The following SCUBE2 variants were observed in gnomAD, a reference collection of about 807,000 sequenced individuals.
SCUBE2 encodes signal peptide, CUB domain and EGF like domain containing 2.
A neutral mutation model predicts 125.9 loss-of-function variants in SCUBE2; 114 were observed. The ratio of observed to expected loss-of-function variants is 0.91; its 90% CI spans 0.78 to 1.06. The LOEUF is 1.06. Among genes scored for constraint, SCUBE2 ranks in the 50% least tolerant of loss-of-function variants. SCUBE2 has a pLI of 0.00. For synonymous variants in SCUBE2, 459 were observed against 492.9 expected, an observed-to-expected ratio of 0.93 and a Z score of 0.91; for missense variants, 1,255 against 1,301.8, an observed-to-expected ratio of 0.96 and a Z score of 0.55.
In SCUBE2 at chr11:9,055,272, G is replaced by C. The variant is rs578217948; in HGVS notation, c.1207+521C>G. On this transcript the variant is annotated intron_variant, in intron 10 of 22. Coordinates refer to ENST00000649792, the MANE Select transcript of SCUBE2 (RefSeq NM_001367977.2). ...AGCCTGCTTGACCATGAGGTTATGA[G>C]ACATGAGAACATTTTGCAAAATGGG... Among the ~76,000 whole-genome samples the C allele has an allele frequency of 7.2e-5, 11 of 152,306 alleles. No homozygotes were observed. The East Asian group carries it at 1.9e-3, about 27-fold the overall frequency.
At chr11:9,030,697 C>G in intron 18 of SCUBE2, 61 bp downstream of exon 18, 1 of 1,532,938 alleles carries the variant, frequency 6.5e-7, no homozygotes, top group South Asian at 1.2e-5. Context: ...CCTCACGAGA[C>G]TCCCATGATA....
At chr11:9,066,421 C>T (rs1860236551) in intron 6 of SCUBE2, among the ~76,000 whole-genome samples, 1 of 152,202 alleles carries the variant, frequency 6.6e-6, no homozygotes, top group Non-Finnish European at 1.5e-5. Flanking sequence ...CTGCCCTGGC[C>T]TCCTGGGAGG....
intron 8 of SCUBE2, 130 bp downstream of exon 8, chr11:9,060,278 A>G (rs1859539248): frequency 2.9e-6 from 2 of 683,576 alleles, no homozygotes; most frequent in East Asian, 5.1e-5. Flanking sequence ...GCTCCCATTG[A>G]TATGAATCAT....
chr11:9,019,753 AG>A lies in SCUBE2; in HGVS notation c.*1291del, dbSNP rs1273543803. On this transcript the variant is annotated 3_prime_UTR_variant, in exon 23 of 23. Coordinates refer to ENST00000649792, the MANE Select transcript of SCUBE2 (RefSeq NM_001367977.2). ...TTGGTATGGAGAATTGGCTGTGCAT[AG>A]AATTGTTATTGAAATAACAAAACAC... Among the ~76,000 whole-genome samples, 2 of 152,222 alleles carry A rather than the reference AG, an allele frequency of 1.3e-5. No individual in the cohort carries two copies. The highest frequency in any genetic ancestry group is 1.3e-4 in the Admixed American group (2 of 15,286).
chr11:9,065,528 T>A (rs1046103051), intron 7 of SCUBE2, among the ~76,000 whole-genome samples: 1 of 152,186 alleles, frequency 6.6e-6, no homozygotes, highest in South Asian at 2.1e-4. Context: ...AGGCAGTTCT[T>A]TACAGCAGTA....
Position 9,085,096 on chromosome 11 carries a change from C to T in SCUBE2, c.256+4611G>A, listed in dbSNP as rs549838704. The stretch of plus-strand genomic sequence containing the variant: ...TAAGACAAATGAAGTGAGCAGTACT[C>T]ATCAAAAGTGTCAATGTCAGGAAAG... On this transcript the variant is annotated intron_variant, in intron 2 of 22. Coordinates refer to ENST00000649792, the MANE Select transcript of SCUBE2 (RefSeq NM_001367977.2). 7.2e-5 allele frequency among the ~76,000 whole-genome samples: 11 copies of T among 152,212 alleles called. No homozygotes were observed. The South Asian group carries it at 2.3e-3, about 32-fold the overall frequency.
chr11:9,071,625 G>A (rs1215555450), intron 4 of SCUBE2, among the ~76,000 whole-genome samples: 1 of 152,180 alleles, frequency 6.6e-6, no homozygotes, highest in African/African-American at 2.4e-5. Context: ...TTCACCAGAA[G>A]GGAAACAGCT....
intron 3 of SCUBE2, among the ~76,000 whole-genome samples, chr11:9,078,245 T>G (rs1189573373): frequency 6.6e-6 from 1 of 152,268 alleles, no homozygotes; most frequent in Non-Finnish European, 1.5e-5. Context: ...AGAAGATTAC[T>G]GGTTCCCTCA....
Position 9,047,435 on chromosome 11 carries a change from C to A in SCUBE2, c.1923G>T (p.Val641=). Residue 641 remains valine, a synonymous_variant, in exon 16 of 23, where the codon GTG becomes GTT. Transcript: ENST00000649792. ...HLQLSGMNLD[V]AKKPPRTSER... ...CAGATGTTCTGGGAGGCTTTTTAGCCACGTCGAGGTTCATGCCTGAGAGCT... is the reference window on the plus strand; with the variant it reads ...CAGATGTTCTGGGAGGCTTTTTAGCAACGTCGAGGTTCATGCCTGAGAGCT... The A allele has an allele frequency of 6.2e-7, 1 of 1,614,132 alleles. No homozygotes were observed. Among genetic ancestry groups the A allele is most frequent in the African/African-American group, 1.3e-5 (1 of 75,022 alleles).
chr11:9,081,653 CAAAA>C (rs201077139), intron 2 of SCUBE2, among the ~76,000 whole-genome samples: 22 of 59,516 alleles, frequency 3.7e-4, no homozygotes, highest in South Asian at 2.3e-3. Context: ...GATCCCACCT[CAAAA>C]AAACAAACAA....
chr11:9,030,001 A>G lies in SCUBE2; in HGVS notation c.2386T>C (p.Cys796Arg). The change falls in exon 19 of 23, where the codon TGT becomes CGT. Residue 796 changes from cysteine (C) to arginine (R), a missense_variant. Around this residue, in one of 3 missense-constraint regions of SCUBE2, gnomAD observed 515 missense variants for 515.7 expected, o/e 1.00. Coordinates refer to ENST00000649792, the MANE Select transcript of SCUBE2 (RefSeq NM_001367977.2). The part of the protein sequence containing the change: ...GHFYNTTTHR[C>R]IRCPVGTYQP... ...TATGTTCCCACTGGGCAACGAATACATCGGTGAGTGGTGGTGTTGTAGAAA... is the reference window on the plus strand; with the variant it reads ...TATGTTCCCACTGGGCAACGAATACGTCGGTGAGTGGTGGTGTTGTAGAAA... The G allele has an allele frequency of 1.2e-6, 2 of 1,614,210 alleles. No homozygotes were observed. Among genetic ancestry groups the G allele is most frequent in the Non-Finnish European group, 1.7e-6 (2 of 1,180,034 alleles).
intron 22 of SCUBE2, 60 bp downstream of exon 22, chr11:9,021,816 C>T (rs1855316857): frequency 7.7e-7 from 1 of 1,298,820 alleles, no homozygotes; most frequent in Non-Finnish European, 1.1e-6. Flanking sequence ...GAAGCCTTCT[C>T]CAACAGTACT....
At chr11:9,038,647 A>G (rs1444728703) in intron 16 of SCUBE2, among the ~76,000 whole-genome samples, 5 of 152,286 alleles carry the variant, frequency 3.3e-5, no homozygotes, top group African/African-American at 1.2e-4. Flanking sequence ...ACAAAACAAC[A>G]ACAAAAAAAA....
At chr11:9,057,837 C>G (rs1201451262) in intron 9 of SCUBE2, among the ~76,000 whole-genome samples, 1 of 152,084 alleles carries the variant, frequency 6.6e-6, no homozygotes, top group African/African-American at 2.4e-5. Context: ...CAGCCTAATT[C>G]TGAGATTTCT....
chr11:9,046,413 A>G (rs1857782305), intron 16 of SCUBE2, among the ~76,000 whole-genome samples: 1 of 152,084 alleles, frequency 6.6e-6, no homozygotes. Context: ...TGGTAGTATT[A>G]GTGATACCCT....
intron 1 of SCUBE2, chr11:9,090,492 T>TATTTTTTTA (rs55777434): frequency 6.2e-5 from 9 of 145,428 alleles, no homozygotes; most frequent in Admixed American, 5.5e-4. Flanking sequence ...TTTATTTATT[T>TATTTTTTTA]TTTTTTTTTG....
chr11:9,067,894 G>C (rs1461366485), intron 5 of SCUBE2, among the ~76,000 whole-genome samples: 1 of 110,660 alleles, frequency 9.0e-6, no homozygotes, highest in Non-Finnish European at 1.6e-5. Flanking sequence ...TTCCCTGAAA[G>C]ACTATGAAAT....
In SCUBE2 at chr11:9,074,589, C is replaced by T. The variant is rs1362162073; in HGVS notation, c.409G>A (p.Gly137Ser). Residue 137 changes from glycine (G) to serine (S), a missense_variant, in exon 4 of 23, where the codon GGC (glycine) becomes AGC (serine). By Grantham distance (56) the Gly-to-Ser change is moderately conservative. This residue lies in a region of SCUBE2 where 362 missense variants were observed against 323.0 expected (regional missense o/e 1.12). Transcript: ENST00000649792. ...TTGACACAGGTATGCTGGCAGCCGC[C>T]ATTGTTCTCCAGGCACTCGTCCACA... ...LDVDECLENN[G>S]GCQHTCVNVM... is the part of the protein sequence containing the mutation. 6.2e-7 allele frequency: 1 copy of T among 1,614,210 alleles called. No homozygotes were observed. Among genetic ancestry groups the T allele is most frequent in the Admixed American group, 1.7e-5 (1 of 60,028 alleles).
chr11:9,045,555 T>G (rs994823025), intron 16 of SCUBE2, among the ~76,000 whole-genome samples: 1 of 151,106 alleles, frequency 6.6e-6, no homozygotes, highest in Non-Finnish European at 1.5e-5. Context: ...GCAAGCCTGG[T>G]CTTTATGAAG....
Sources: allele counts gnomAD v4.1 joint callset (sites outside exome capture counted in the v4.1 genomes callset), GRCh38; gene constraint gnomAD v4.1.1; regional missense constraint gnomAD v4.1.1; transcripts MANE v1.5; gene names NCBI Gene and HGNC (gene_info 2026-07-23, HGNC 2026-07-21).